Variants in HMGCL observed in about 807,000 individuals in gnomAD.
HMGCL encodes 3-hydroxy-3-methylglutaryl-CoA lyase.
HMGCL carries 26 observed loss-of-function variants against 37.3 expected under a neutral mutation model. The ratio of observed to expected loss-of-function variants is 0.70; its 90% CI spans 0.51 to 0.97. The LOEUF is 0.97. HMGCL is among the 50% of genes least tolerant of loss of function. The pLI, the probability that HMGCL is intolerant of heterozygous loss-of-function variation, is 0.00. For synonymous variants in HMGCL, 151 were observed against 148.0 expected, an observed-to-expected ratio of 1.02 and a Z score of -0.15; for missense variants, 379 against 398.1, an observed-to-expected ratio of 0.95 and a Z score of 0.41.
At position 23,806,464 on chromosome 1, in the gene HMGCL, A is replaced by G. The variant is rs924470308; in HGVS notation, c.750+1671T>C. On this transcript the variant is annotated intron_variant, in intron 7 of 8. Coordinates refer to ENST00000374490, the MANE Select transcript of HMGCL (RefSeq NM_000191.3). The surrounding 1 kb of genome is among the most constrained non-coding windows in gnomAD (Gnocchi z 4.0). Reference sequence around the variant, plus strand: ...CCTGATCCCTGAACACAGCAAGCACACTCCTCCCTCAGGGCTCTGCGCCTG... The same window carrying G: ...CCTGATCCCTGAACACAGCAAGCACGCTCCTCCCTCAGGGCTCTGCGCCTG... Among the ~76,000 whole-genome samples, 3 of 150,332 alleles carry G rather than the reference A, an allele frequency of 2.0e-5. No homozygotes were observed. The highest frequency in any genetic ancestry group is 4.4e-5 in the Non-Finnish European group (3 of 67,584).
At chr1:23,821,488 G>A (rs1297867546) in intron 1 of HMGCL, among the ~76,000 whole-genome samples, 6 of 151,576 alleles carry the variant, frequency 4.0e-5, no homozygotes, top group African/African-American at 9.7e-5. Context: ...AAGAAACCCC[G>A]TCTCTACTAA....
chr1:23,821,714 G>T (rs1638724925), intron 1 of HMGCL, among the ~76,000 whole-genome samples: 1 of 152,020 alleles, frequency 6.6e-6, no homozygotes, highest in South Asian at 2.1e-4. Context: ...ATTAAGAAAA[G>T]AAAAGACTGT....
At chr1:23,808,372 G>T (rs759854131) in intron 6 of HMGCL, 49 bp from the exon 7 acceptor site, 2 of 1,509,070 alleles carry the variant, frequency 1.3e-6, no homozygotes, top group Admixed American at 1.7e-5. Context: ...ACCAGCCAGG[G>T]GATCCATGCA....
Position 23,803,977 on chromosome 1 carries a change from C to T in HMGCL, c.876+423G>A, listed in dbSNP as rs554685241. The stretch of plus-strand genomic sequence containing the variant: ...GGCCCCTTCCATGTTCCTGGTGTCT[C>T]CTAGGACTGAACTGTCAAAGTCACC... On this transcript the variant is annotated intron_variant, in intron 8 of 8. Coordinates refer to ENST00000374490, the MANE Select transcript of HMGCL (RefSeq NM_000191.3). 4.2e-5 allele frequency: 9 copies of T among 215,938 alleles called. No homozygotes were observed. The East Asian group carries it at 1.1e-3, about 26-fold the overall frequency. 13.4% of individuals were successfully genotyped at this position (215,938 alleles called of 1,614,324 possible).
At chr1:23,808,974 C>T (rs976577825) in intron 6 of HMGCL, among the ~76,000 whole-genome samples, 3 of 150,490 alleles carry the variant, frequency 2.0e-5, no homozygotes, top group South Asian at 2.1e-4. Flanking sequence ...GGCACAATCT[C>T]GGCTCACTGC....
chr1:23,819,963 T>C (rs1050929903), intron 2 of HMGCL, among the ~76,000 whole-genome samples: 1 of 152,200 alleles, frequency 6.6e-6, no homozygotes, highest in Non-Finnish European at 1.5e-5. Flanking sequence ...CCATAGTGTA[T>C]CTGACCCAAC....
chr1:23,815,199 T>G (rs959939850), intron 4 of HMGCL, among the ~76,000 whole-genome samples: 6 of 151,632 alleles, frequency 4.0e-5, no homozygotes, highest in Non-Finnish European at 8.8e-5. Flanking sequence ...AGAGCAAGAC[T>G]CTGTCTAAAA....
At chr1:23,812,396 A>G (rs1430530504) in intron 5 of HMGCL, among the ~76,000 whole-genome samples, 1 of 152,064 alleles carries the variant, frequency 6.6e-6, no homozygotes, top group African/African-American at 2.4e-5. Context: ...TTACTCTTTC[A>G]CCCATGCTGG....
intron 1 of HMGCL, among the ~76,000 whole-genome samples, chr1:23,823,268 T>TC (rs1638754562): frequency 6.6e-6 from 1 of 151,682 alleles, no homozygotes; most frequent in Admixed American, 6.6e-5. Flanking sequence ...CTTCCTTCCT[T>TC]CCCCGTAACA....
Position 23,808,252 on chromosome 1 carries a change from T to C in HMGCL, c.633A>G (p.Pro211=). 6.2e-7 allele frequency: 1 copy of C among 1,613,758 alleles called. No homozygotes were observed. Among genetic ancestry groups the C allele is most frequent in the African/African-American group, 1.3e-5 (1 of 74,944 alleles). ...SLGDTIGVGT[P]GIMKDMLSAV... ...CAGATAGCATGTCTTTCATGATCCCTGGGGTGCCCACACCAATGGTGTCCC... is the reference window on the plus strand; with the variant it reads ...CAGATAGCATGTCTTTCATGATCCCCGGGGTGCCCACACCAATGGTGTCCC... Residue 211 remains proline (P), a synonymous_variant, in exon 7 of 9, where the codon CCA becomes CCG. Transcript: ENST00000374490.
At chr1:23,823,993 C>G (rs1638770421) in intron 1 of HMGCL, among the ~76,000 whole-genome samples, 2 of 152,182 alleles carry the variant, frequency 1.3e-5, no homozygotes, top group Admixed American at 6.5e-5. Flanking sequence ...CTCTAGAGCA[C>G]AAGCTCCTAA....
chr1:23,824,099 G>A (rs1026918392), intron 1 of HMGCL, among the ~76,000 whole-genome samples: 1 of 152,162 alleles, frequency 6.6e-6, no homozygotes, highest in South Asian at 2.1e-4. Flanking sequence ...GCTCTGCTCA[G>A]AGAGGGTCCC....
At chr1:23,805,793 C>T (rs372182016) in intron 7 of HMGCL, among the ~76,000 whole-genome samples, 104 of 152,286 alleles carry the variant, frequency 6.8e-4, no homozygotes, top group Non-Finnish European at 1.2e-3. Flanking sequence ...ATAGATGTCT[C>T]GAGCTTCACA....
rs144882685 is a variant in HMGCL at position 23,819,760 on chromosome 1, C to T, written c.144+750G>A. 2.1e-4 allele frequency among the ~76,000 whole-genome samples: 31 copies of T among 150,228 alleles called. No individual in the cohort carries two copies. The East Asian group carries it at 4.8e-3, about 23-fold the overall frequency. On this transcript the variant is annotated intron_variant, in intron 2 of 8. Coordinates refer to ENST00000374490, the MANE Select transcript of HMGCL (RefSeq NM_000191.3). ...ACACACACACACACACGCGCGCGTG[C>T]GTACGCGCACATGCACTATTTGTTT...
Position 23,808,221 on chromosome 1 carries a change from T to C in HMGCL, c.664A>G (p.Met222Val). ...AGGGCAGCCAGAGGCACTTCCTGCA[T>C]GACAGCAGATAGCATGTCTTTCATG... ...GIMKDMLSAV[M>V]QEVPLAALAV... The change falls in exon 7 of 9, where the codon ATG becomes GTG. Residue 222 changes from methionine to valine, a missense_variant. Met to Val is a conservative substitution (Grantham distance 21). Coordinates refer to ENST00000374490, the MANE Select transcript of HMGCL (RefSeq NM_000191.3). The C allele has an allele frequency of 6.2e-7, 1 of 1,614,018 alleles. No individual in the cohort carries two copies. The highest frequency in any genetic ancestry group is 8.5e-7 in the Non-Finnish European group (1 of 1,179,928).
chr1:23,812,896 G>T (rs575849471), intron 5 of HMGCL, among the ~76,000 whole-genome samples: 2 of 151,974 alleles, frequency 1.3e-5, no homozygotes, highest in South Asian at 2.1e-4. Context: ...GGTTTTTTTG[G>T]TTTTTGTTTT....
In HMGCL at chr1:23,802,238, C is replaced by G. The variant is rs1412901711; in HGVS notation, c.*225G>C. ...CAGGGTCCGTAACAAAGGGAGACTT[C>G]AGCCCTCAAAGCCTCTCACTCCTCA... On this transcript the variant is annotated 3_prime_UTR_variant, in exon 9 of 9. Transcript: ENST00000374490. 3.0e-5 allele frequency: 18 copies of G among 603,932 alleles called. No individual in the cohort carries two copies. The highest frequency in any genetic ancestry group is 1.6e-4 in the South Asian group (8 of 49,508). The allele number at this position is 603,932 out of a possible 1,614,324, so 37.4% of individuals were successfully genotyped here. A position where few individuals can be genotyped will look rare whatever the true frequency, so the allele number is the denominator to read the frequency against.
chr1:23,825,038 G>A (rs1231317276), intron 1 of HMGCL, among the ~76,000 whole-genome samples: 2 of 152,208 alleles, frequency 1.3e-5, no homozygotes, highest in Admixed American at 1.3e-4. Flanking sequence ...AGTTGGAGAG[G>A]TCTGAAGTTC....
rs3835225 is a variant in HMGCL, at chr1:23,804,766, G to GGA, written c.751-242_751-241insTC. 1.4e-4 allele frequency among the ~76,000 whole-genome samples: 22 copies of GGA among 152,136 alleles called. 1 individual carries two copies. In the East Asian group the frequency reaches 4.3e-3, roughly 29 times the overall value. Reference sequence around the variant, plus strand: ...TTTCATGGTGAACTCTCATTCTTTAGGTTCCAGTCTGAAAGCCACCTGCTC... The same window carrying GGA: ...TTTCATGGTGAACTCTCATTCTTTAGGAGTTCCAGTCTGAAAGCCACCTGCTC... On this transcript the variant is annotated intron_variant, in intron 7 of 8. Transcript: ENST00000374490.
Sources: gnomAD v4.1 joint callset for allele counts (sites outside exome capture counted in the v4.1 genomes callset) on GRCh38, gnomAD v4.1.1 for gene constraint, Gnocchi (gnomAD v3.1) non-coding constraint, MANE v1.5 for transcripts, NCBI Gene and HGNC (gene_info 2026-07-23, HGNC 2026-07-21) for gene names.